The following CNTNAP2 variants were observed in gnomAD, a reference collection of about 807,000 sequenced individuals.
CNTNAP2 encodes the protein contactin associated protein 2.
CNTNAP2 carries 98 observed loss-of-function variants against 155.2 expected under a neutral mutation model. The observed-to-expected ratio is 0.63, with a 90% confidence interval of 0.54 to 0.75. CNTNAP2 has a LOEUF of 0.75. Among genes scored for constraint, CNTNAP2 ranks in the 30% least tolerant of loss-of-function variants. CNTNAP2 has a pLI of 0.00. For missense variants in CNTNAP2, 1,727 were observed against 1,688.1 expected (o/e 1.02, Z -0.40); for synonymous variants, 651 against 631.2 (o/e 1.03, Z -0.47).
chr7:146,443,192 T>C (rs1796350605), intron 1 of CNTNAP2, among the ~76,000 whole-genome samples: 1 of 151,340 alleles, frequency 6.6e-6, no homozygotes, highest in African/African-American at 2.4e-5. Flanking sequence ...CCAGCCTTGG[T>C]GACAGAGCGA....
intron 13 of CNTNAP2, among the ~76,000 whole-genome samples, chr7:147,866,748 C>G (rs1226322096): frequency 1.1e-5 from 1 of 91,976 alleles, no homozygotes; most frequent in Non-Finnish European, 2.4e-5. Flanking sequence ...ATTGCAACCC[C>G]TGTTTTTTTT....
intron 5 of CNTNAP2, among the ~76,000 whole-genome samples, chr7:147,115,347 G>T (rs1563081814): frequency 6.6e-6 from 1 of 152,144 alleles, no homozygotes; most frequent in Non-Finnish European, 1.5e-5. Flanking sequence ...TGCATTTCCT[G>T]AATTTGAATG....
At chr7:146,723,235 G>A (rs1397007720) in intron 1 of CNTNAP2, among the ~76,000 whole-genome samples, 1 of 152,048 alleles carries the variant, frequency 6.6e-6, no homozygotes, top group Non-Finnish European at 1.5e-5. Flanking sequence ...AGAGGCAGAG[G>A]TGGGAGTGCT....
At chr7:147,832,163 TATATAA>T (rs1798558212) in intron 13 of CNTNAP2, among the ~76,000 whole-genome samples, 8 of 77,022 alleles carry the variant, frequency 1.0e-4, no homozygotes. Flanking sequence ...ATAATTTAAT[TATATAA>T]ACATTTAATT....
chr7:146,944,876 TAAA>T (rs926343251), intron 3 of CNTNAP2, among the ~76,000 whole-genome samples: 2 of 141,556 alleles, frequency 1.4e-5, no homozygotes, highest in African/African-American at 2.6e-5. Flanking sequence ...AGACTCCGTC[TAAA>T]AAAAAAAAAG....
intron 3 of CNTNAP2, among the ~76,000 whole-genome samples, chr7:146,954,386 G>A (rs995053048): frequency 6.6e-6 from 1 of 151,842 alleles, no homozygotes; most frequent in African/African-American, 2.4e-5. Context: ...TGGAAAGTAT[G>A]CATAGATGAA....
chr7:146,618,252 G>A (rs546184652), intron 1 of CNTNAP2, among the ~76,000 whole-genome samples: 2 of 152,082 alleles, frequency 1.3e-5, no homozygotes, highest in African/African-American at 4.8e-5. Context: ...ATTGTGTGGA[G>A]GTTCAATACC....
At chr7:146,178,915 AG>A (rs1271162341) in intron 1 of CNTNAP2, among the ~76,000 whole-genome samples, 1 of 152,210 alleles carries the variant, frequency 6.6e-6, no homozygotes, top group East Asian at 1.9e-4. Context: ...GCCACCTAGC[AG>A]CTCTGTGACT....
At chr7:146,627,115 A>C (rs536779150) in intron 1 of CNTNAP2, among the ~76,000 whole-genome samples, 2 of 152,294 alleles carry the variant, frequency 1.3e-5, no homozygotes, top group East Asian at 3.9e-4. Flanking sequence ...CATGGATGGC[A>C]GCAGGCAAAG....
At chr7:147,925,808 AG>A (rs890431895) in intron 14 of CNTNAP2, among the ~76,000 whole-genome samples, 2 of 152,178 alleles carry the variant, frequency 1.3e-5, no homozygotes, top group African/African-American at 4.8e-5. Context: ...CTATCATTAG[AG>A]CATCACACAA....
chr7:147,323,430 G>A (rs1242802750), intron 9 of CNTNAP2, among the ~76,000 whole-genome samples: 1 of 141,770 alleles, frequency 7.1e-6, no homozygotes, highest in Non-Finnish European at 1.5e-5. Flanking sequence ...ATTGCACTGT[G>A]GTCTGAGAGA....
intron 4 of CNTNAP2, among the ~76,000 whole-genome samples, chr7:147,071,722 G>T (rs959112632): frequency 6.6e-6 from 1 of 152,174 alleles, no homozygotes; most frequent in Admixed American, 6.5e-5. Context: ...TGAGGGAGTG[G>T]CACAGAATGA....
intron 3 of CNTNAP2, among the ~76,000 whole-genome samples, chr7:146,945,468 A>G (rs1797144606): frequency 6.6e-6 from 1 of 152,226 alleles, no homozygotes; most frequent in African/African-American, 2.4e-5. Flanking sequence ...CGTAACAGAA[A>G]TGGAAAACAG....
chr7:147,496,612 T>A (rs1798712778), intron 11 of CNTNAP2: 1 of 152,122 alleles, frequency 6.6e-6, no homozygotes, highest in African/African-American at 2.4e-5. Flanking sequence ...AGATGCTTCC[T>A]CCCCTCAGGA....
rs569209106 is a variant in CNTNAP2 at position 148,265,013 on chromosome 7, TAAG to T, written c.3382-2016_3382-2014del. Among the ~76,000 whole-genome samples the T allele has an allele frequency of 3.4e-4, 52 of 152,272 alleles. 1 individual carries two copies. Among genetic ancestry groups the T allele is most frequent in the Admixed American group, 2.2e-3 (33 of 15,292 alleles). On this transcript the variant is annotated intron_variant, in intron 20 of 23. Coordinates refer to ENST00000361727, the MANE Select transcript of CNTNAP2 (RefSeq NM_014141.6). ...GATCACAAATTTAGTTTTTAAATTG[TAAG>T]AAGTATGAGGTGGAGATTATCACCT...
At chr7:147,551,071 C>A (rs1799844079) in intron 11 of CNTNAP2, among the ~76,000 whole-genome samples, 1 of 152,100 alleles carries the variant, frequency 6.6e-6, no homozygotes, top group Non-Finnish European at 1.5e-5. Flanking sequence ...TGATATGGTT[C>A]TTATGTGCAT....
At chr7:147,202,006 AT>A (rs2116550879) in intron 8 of CNTNAP2, among the ~76,000 whole-genome samples, 1 of 152,206 alleles carries the variant, frequency 6.6e-6, no homozygotes, top group East Asian at 1.9e-4. Flanking sequence ...AAATGTTAGC[AT>A]ATCTGTACCA....
chr7:146,722,140 T>G (rs1457315954), intron 1 of CNTNAP2, among the ~76,000 whole-genome samples: 1 of 151,856 alleles, frequency 6.6e-6, no homozygotes, highest in East Asian at 1.9e-4. Flanking sequence ...TCCACCTACC[T>G]TGGCCTCCCA....
At chr7:146,131,847 A>G (rs1797719090) in intron 1 of CNTNAP2, among the ~76,000 whole-genome samples, 1 of 152,112 alleles carries the variant, frequency 6.6e-6, no homozygotes. Context: ...GGTTTCCCCC[A>G]TGCTGTTCTC....
Sources: allele counts gnomAD v4.1 joint callset (sites outside exome capture counted in the v4.1 genomes callset), GRCh38; gene constraint gnomAD v4.1.1; transcripts MANE v1.5; gene names NCBI Gene and HGNC (gene_info 2026-07-23, HGNC 2026-07-21).